The following MACROD2 variants were observed in gnomAD, a reference collection of about 807,000 sequenced individuals.
MACROD2 encodes the protein ADP-ribose glycohydrolase MACROD2.
A neutral mutation model predicts 70.4 loss-of-function variants in MACROD2; 36 were observed. The observed-to-expected ratio is 0.51, with a 90% CI of 0.39 to 0.68. The LOEUF is 0.68. Among genes scored for constraint, MACROD2 ranks in the 30% least tolerant of loss-of-function variants. MACROD2 has a pLI of 0.00. For missense variants in MACROD2, 496 were observed against 538.4 expected (o/e 0.92, Z 0.78); for synonymous variants, 172 against 178.8 (o/e 0.96, Z 0.30).
At chr20:14,721,577 T>G (rs1389505015) in intron 5 of MACROD2, among the ~76,000 whole-genome samples, 1 of 152,178 alleles carries the variant, frequency 6.6e-6, no homozygotes, top group Non-Finnish European at 1.5e-5. Flanking sequence ...ATTATTTTAT[T>G]GCCTAGGTTA....
chr20:15,742,990 A>G (rs188748829), intron 8 of MACROD2, among the ~76,000 whole-genome samples: 12 of 152,328 alleles, frequency 7.9e-5, no homozygotes, highest in Non-Finnish European at 4.4e-5. Flanking sequence ...TGATATCTTC[A>G]ATCTCTTTCC....
At position 15,607,406 on chromosome 20, in the gene MACROD2, A is replaced by C. The variant is rs536807137; in HGVS notation, c.645+107559A>C. 2.0e-5 allele frequency among the ~76,000 whole-genome samples: 3 copies of C among 152,360 alleles called. No homozygotes were observed. The East Asian group carries it at 5.8e-4, about 29-fold the overall frequency. On this transcript the variant is annotated intron_variant, in intron 8 of 17. Coordinates refer to ENST00000684519, the MANE Select transcript of MACROD2 (RefSeq NM_001351661.2). ...AGTTCTTTCCTGTTCACAGTGACCC[A>C]AGAGCTTGATACTTTTCAGCCATTG...
At chr20:14,328,876 G>C (rs542711344) in intron 3 of MACROD2, 2 of 151,470 alleles carry the variant, frequency 1.3e-5, no homozygotes, top group African/African-American at 4.8e-5. Flanking sequence ...TTTTCTTTCT[G>C]ATAGAGTTTC....
chr20:15,303,661 T>C (rs926579816), intron 6 of MACROD2, among the ~76,000 whole-genome samples: 1 of 152,228 alleles, frequency 6.6e-6, no homozygotes, highest in African/African-American at 2.4e-5. Flanking sequence ...CAGAATCATG[T>C]CACTCACTCA....
Position 15,054,874 on chromosome 20 carries a change from C to G in MACROD2, c.419-175066C>G, listed in dbSNP as rs549406932. ...TCTCCGCTCACTGCAACCTCCGTCT[C>G]CAGGTTCAAGTGATTCACCTGTCTC... On this transcript the variant is annotated intron_variant, in intron 5 of 17. Coordinates refer to ENST00000684519, the MANE Select transcript of MACROD2 (RefSeq NM_001351661.2). Among the ~76,000 whole-genome samples, 7 of 151,962 alleles carry G rather than the reference C, an allele frequency of 4.6e-5. No individual in the cohort carries two copies. In the South Asian group the frequency reaches 1.5e-3, roughly 32 times the overall value.
Position 14,773,511 on chromosome 20 carries a change from C to T in MACROD2, c.418+88552C>T, listed in dbSNP as rs556998870. On this transcript the variant is annotated intron_variant, in intron 5 of 17. Coordinates refer to ENST00000684519, the MANE Select transcript of MACROD2 (RefSeq NM_001351661.2). ...AATTTCTTTCACTTAGCATAATGTCCTGCAGGTTCTTTCATGTTGTCATGT... is the reference window on the plus strand; with the variant it reads ...AATTTCTTTCACTTAGCATAATGTCTTGCAGGTTCTTTCATGTTGTCATGT... Among the ~76,000 whole-genome samples the T allele has an allele frequency of 2.8e-4, 43 of 152,078 alleles. No individual in the cohort carries two copies. In the South Asian group the frequency reaches 8.3e-3, roughly 29 times the overall value.
chr20:13,998,869 C>T (rs918528746), intron 1 of MACROD2, among the ~76,000 whole-genome samples: 6 of 151,128 alleles, frequency 4.0e-5, no homozygotes, highest in African/African-American at 1.2e-4. Flanking sequence ...GCAGGAGAAA[C>T]GCTTGAATCC....
intron 2 of MACROD2, among the ~76,000 whole-genome samples, chr20:14,070,063 C>G (rs1449819590): frequency 6.6e-6 from 1 of 152,066 alleles, no homozygotes; most frequent in Non-Finnish European, 1.5e-5. Context: ...GACTGTAGAA[C>G]TGCCTGGTTA....
chr20:15,636,805 G>T (rs78320924), intron 8 of MACROD2, among the ~76,000 whole-genome samples: 1 of 152,108 alleles, frequency 6.6e-6, no homozygotes, highest in African/African-American at 2.4e-5. Context: ...GAAGGGGGAT[G>T]TTTTGCCTGA....
intron 8 of MACROD2, among the ~76,000 whole-genome samples, chr20:15,569,022 G>C (rs1319132355): frequency 6.6e-6 from 1 of 152,092 alleles, no homozygotes; most frequent in Non-Finnish European, 1.5e-5. Flanking sequence ...TCTTACTGAA[G>C]GCCTTGACCA....
intron 5 of MACROD2, among the ~76,000 whole-genome samples, chr20:15,013,014 G>GC (rs771599082): frequency 2.2e-4 from 33 of 152,320 alleles, no homozygotes; most frequent in Non-Finnish European, 4.3e-4. Flanking sequence ...AAGGGTTTGA[G>GC]CAAAAGCAAG....
chr20:15,916,773 T>A lies in MACROD2; in HGVS notation c.776-16503T>A, dbSNP rs181991241. ...ATGACTTTGGTGGACAAGAGGCAGT[T>A]GGAGGTTATCTTAACAGAGGATCAA... On this transcript the variant is annotated intron_variant, in intron 10 of 17. Transcript: ENST00000684519. Among the ~76,000 whole-genome samples, 52 of 152,330 alleles carry A rather than the reference T, an allele frequency of 3.4e-4. No individual in the cohort carries two copies. The East Asian group carries it at 9.5e-3, about 28-fold the overall frequency.
intron 3 of MACROD2, among the ~76,000 whole-genome samples, chr20:14,386,168 G>T (rs1444907334): frequency 6.6e-6 from 1 of 152,194 alleles, no homozygotes; most frequent in Non-Finnish European, 1.5e-5. Context: ...ACAATAAAGA[G>T]ACTCACCCAA....
At chr20:15,565,754 T>C (rs1319928253) in intron 8 of MACROD2, among the ~76,000 whole-genome samples, 1 of 152,144 alleles carries the variant, frequency 6.6e-6, no homozygotes, top group Non-Finnish European at 1.5e-5. Flanking sequence ...TGGCTAATTT[T>C]TTAATTTTAA....
At chr20:14,697,783 A>G (rs960058787) in intron 5 of MACROD2, among the ~76,000 whole-genome samples, 5 of 152,186 alleles carry the variant, frequency 3.3e-5, no homozygotes, top group African/African-American at 1.2e-4. Flanking sequence ...ATGTTTGGGA[A>G]CAGTGGAGCT....
intron 5 of MACROD2, among the ~76,000 whole-genome samples, chr20:15,224,959 T>TAA (rs5840661): frequency 2.4e-4 from 30 of 124,512 alleles, no homozygotes; most frequent in Admixed American, 3.3e-4. Flanking sequence ...GACTTTGTCT[T>TAA]AAAAAAAAAA....
At chr20:15,686,247 T>C (rs6105457) in intron 8 of MACROD2, among the ~76,000 whole-genome samples, 8,536 of 152,298 alleles carry the variant, frequency 0.056, 303 homozygotes, top group East Asian at 0.11. Flanking sequence ...ATAGGATAAA[T>C]TGAAAATATT....
chr20:15,581,501 T>A (rs1313586574), intron 8 of MACROD2, among the ~76,000 whole-genome samples: 1 of 152,186 alleles, frequency 6.6e-6, no homozygotes, highest in African/African-American at 2.4e-5. Context: ...TATGTAGAAT[T>A]GTGTATCCTT....
intron 2 of MACROD2, among the ~76,000 whole-genome samples, chr20:14,006,408 T>C (rs1223085356): frequency 6.6e-6 from 1 of 152,212 alleles, no homozygotes; most frequent in African/African-American, 2.4e-5. Flanking sequence ...TGAAATCACA[T>C]ATGTCATATA....
Sources: gnomAD v4.1 joint callset for allele counts (sites outside exome capture counted in the v4.1 genomes callset) on GRCh38, gnomAD v4.1.1 for gene constraint, MANE v1.5 for transcripts, NCBI Gene and HGNC (gene_info 2026-07-23, HGNC 2026-07-21) for gene names.